Variants in CPED1 observed in about 807,000 individuals in gnomAD.
The protein encoded by CPED1 is cadherin like and PC-esterase domain containing 1, also known as cadherin-like and PC-esterase domain-containing protein 1.
In CPED1, 114 loss-of-function variants were observed where a neutral mutation model predicts 128.2. The ratio of observed to expected loss-of-function variants is 0.89; its 90% CI spans 0.76 to 1.04. The LOEUF is 1.04. Among genes scored for constraint, CPED1 ranks in the 50% least tolerant of loss-of-function variants. CPED1 has a pLI of 0.00. For synonymous variants in CPED1, 462 were observed against 426.7 expected, an observed-to-expected ratio of 1.08 and a Z score of -1.02; for missense variants, 1,211 against 1,207.1, an observed-to-expected ratio of 1.00 and a Z score of -0.05.
chr7:120,991,445 A>T (rs938329370), intron 2 of CPED1, among the ~76,000 whole-genome samples: 2 of 152,212 alleles, frequency 1.3e-5, no homozygotes, highest in Non-Finnish European at 2.9e-5. Context: ...TGTTAAAGTC[A>T]TTTCTTGTTA....
At chr7:121,292,939 G>C (rs953965522) in intron 22 of CPED1, among the ~76,000 whole-genome samples, 2 of 152,146 alleles carry the variant, frequency 1.3e-5, no homozygotes, top group Non-Finnish European at 2.9e-5. Context: ...GAGCTCTCCT[G>C]TATGAGGTGT....
At chr7:121,280,048 C>T (rs1792424223) in intron 22 of CPED1, among the ~76,000 whole-genome samples, 1 of 152,092 alleles carries the variant, frequency 6.6e-6, no homozygotes, top group Admixed American at 6.6e-5. Context: ...AAATGTTAGT[C>T]CCCACACAAA....
rs116833194 is a variant in CPED1, at chr7:121,046,195, G to A, written c.434-692G>A. ...TTTGGCAAGTTACTATGATTTATTG[G>A]CAAATAGCTTCGTCCTTGGTGAAAT... On this transcript the variant is annotated intron_variant, in intron 3 of 22. Transcript: ENST00000310396. Among the ~76,000 whole-genome samples the A allele has an allele frequency of 6.8e-3, 1,042 of 152,198 alleles. 13 individuals carry two copies. Among genetic ancestry groups the A allele is most frequent in the African/African-American group, 0.022 (926 of 41,540 alleles).
At chr7:121,067,439 G>T (rs941425449) in intron 5 of CPED1, among the ~76,000 whole-genome samples, 6 of 152,136 alleles carry the variant, frequency 3.9e-5, no homozygotes, top group Non-Finnish European at 7.4e-5. Context: ...CAAAGGACAT[G>T]AATTCATCAT....
In CPED1 at chr7:121,296,252, T is replaced by G. The variant is rs1175805399; in HGVS notation, c.*600T>G. On this transcript the variant is annotated 3_prime_UTR_variant, in exon 23 of 23. Coordinates refer to ENST00000310396, the MANE Select transcript of CPED1 (RefSeq NM_024913.5). ...CACAAGGGAATTTGAAGAGATTCTG[T>G]GAGAGAGATATGAAATATTTTATAG... 6.6e-6 allele frequency: 1 copy of G among 152,356 alleles called. No individual in the cohort carries two copies. Among genetic ancestry groups the G allele is most frequent in the Non-Finnish European group, 1.5e-5 (1 of 68,036 alleles). The allele number at this position is 152,356 out of a possible 1,614,324, so 9.4% of individuals were successfully genotyped here. A position where few individuals can be genotyped will look rare whatever the true frequency, so the allele number is the denominator to read the frequency against.
chr7:120,990,002 T>C, intron 2 of CPED1, 132 bp downstream of exon 2: 1 of 1,016,584 alleles, frequency 9.8e-7, no homozygotes, highest in Non-Finnish European at 1.4e-6. Context: ...GCCTAGAGAG[T>C]GACCTGATGA....
At chr7:121,057,054 T>G (rs917072376) in intron 4 of CPED1, among the ~76,000 whole-genome samples, 2 of 152,108 alleles carry the variant, frequency 1.3e-5, no homozygotes, top group Non-Finnish European at 2.9e-5. Flanking sequence ...CTCGGCTCAC[T>G]GAAATCTCCA....
intron 11 of CPED1, among the ~76,000 whole-genome samples, chr7:121,129,654 T>G (rs1795613650): frequency 6.6e-6 from 1 of 151,930 alleles, no homozygotes; most frequent in African/African-American, 2.4e-5. Flanking sequence ...GAGGAAGAAC[T>G]AAATAATTAT....
chr7:121,195,446 C>G (rs1335269905), intron 16 of CPED1, among the ~76,000 whole-genome samples: 1 of 152,082 alleles, frequency 6.6e-6, no homozygotes, highest in East Asian at 1.9e-4. Flanking sequence ...ATAACTCCAG[C>G]AAAAATTTAA....
rs115796485 is a variant in CPED1, at chr7:120,990,293, A to C, written c.249+423A>C. On this transcript the variant is annotated intron_variant, in intron 2 of 22. Coordinates refer to ENST00000310396, the MANE Select transcript of CPED1 (RefSeq NM_024913.5). Reference sequence around the variant, plus strand: ...GAGTGCCCAGACCATTCCAGACTCAAAGATTCTCCAAAGTTTCATTTTGTA... The same window carrying C: ...GAGTGCCCAGACCATTCCAGACTCACAGATTCTCCAAAGTTTCATTTTGTA... Among the ~76,000 whole-genome samples, 923 of 152,318 alleles carry C rather than the reference A, an allele frequency of 6.1e-3. 18 individuals are homozygous for C. The highest frequency in any genetic ancestry group is 0.021 in the African/African-American group (878 of 41,568).
chr7:121,149,481 A>T lies in CPED1; in HGVS notation c.2055+7340A>T, dbSNP rs557578315. 98 of 152,292 alleles carry T rather than the reference A, an allele frequency of 6.4e-4. 1 individual carries two copies. The highest frequency in any genetic ancestry group is 2.2e-3 in the African/African-American group (91 of 41,558). 9.4% of individuals were successfully genotyped at this position (152,292 alleles called of 1,614,324 possible). ...GATCAGATAGATTACCATTTACATAAAAACTTTTGCTCCACACATTTGTTT... is the reference window on the plus strand; with the variant it reads ...GATCAGATAGATTACCATTTACATATAAACTTTTGCTCCACACATTTGTTT... On this transcript the variant is annotated intron_variant, in intron 16 of 22. Transcript: ENST00000310396.
At chr7:121,270,694 G>A (rs1046304530) in intron 21 of CPED1, among the ~76,000 whole-genome samples, 5 of 152,066 alleles carry the variant, frequency 3.3e-5, no homozygotes, top group South Asian at 4.2e-4. Context: ...TTATAGGTGC[G>A]GCTTTTTTCT....
intron 3 of CPED1, among the ~76,000 whole-genome samples, chr7:121,042,644 T>C (rs1010228564): frequency 6.6e-6 from 1 of 152,180 alleles, no homozygotes; most frequent in Non-Finnish European, 1.5e-5. Flanking sequence ...CACCACTAAC[T>C]GGAACGGCGA....
chr7:121,224,300 T>A (rs954007546), intron 16 of CPED1, among the ~76,000 whole-genome samples: 1 of 152,218 alleles, frequency 6.6e-6, no homozygotes, highest in Non-Finnish European at 1.5e-5. Flanking sequence ...GAGTTCTAAC[T>A]TGATTGCACT....
chr7:121,111,635 T>G (rs1795110964), intron 7 of CPED1, among the ~76,000 whole-genome samples: 1 of 151,932 alleles, frequency 6.6e-6, no homozygotes, highest in Non-Finnish European at 1.5e-5. Context: ...GAAGCCAGAG[T>G]GAAGTTAGAG....
At chr7:121,105,664 G>A (rs757880438) in intron 7 of CPED1, among the ~76,000 whole-genome samples, 9 of 152,038 alleles carry the variant, frequency 5.9e-5, no homozygotes, top group Non-Finnish European at 1.3e-4. Context: ...TAAATAACCA[G>A]CATGTAATTG....
At chr7:121,047,656 T>C (rs78392234) in intron 4 of CPED1, among the ~76,000 whole-genome samples, 1,998 of 8,884 alleles carry the variant, frequency 0.22, 38 homozygotes, top group African/African-American at 0.28. Context: ...TTTCTTCTTC[T>C]TCTTCTTCTT....
chr7:121,226,222 T>C (rs1007080368), intron 16 of CPED1, among the ~76,000 whole-genome samples: 14 of 152,132 alleles, frequency 9.2e-5, no homozygotes, highest in African/African-American at 3.4e-4. Context: ...TTAGCTTTTC[T>C]TCTAACAATC....
At position 121,128,646 on chromosome 7, in the gene CPED1, G is replaced by T. The variant is rs115951740; in HGVS notation, c.1407+160G>T. ...CTTTCAGAGATCTAAGTAGCAAAAT[G>T]AGCAAGATTTATATGCATAACTTTA... On this transcript the variant is annotated intron_variant, in intron 11 of 22. Coordinates refer to ENST00000310396, the MANE Select transcript of CPED1 (RefSeq NM_024913.5). Among the ~76,000 whole-genome samples, 1,074 of 152,182 alleles carry T rather than the reference G, an allele frequency of 7.1e-3. 15 individuals are homozygous for T. The highest frequency in any genetic ancestry group is 0.025 in the African/African-American group (1,030 of 41,538).
Sources: allele counts gnomAD v4.1 joint callset (sites outside exome capture counted in the v4.1 genomes callset), GRCh38; gene constraint gnomAD v4.1.1; transcripts MANE v1.5; gene names NCBI Gene and HGNC (gene_info 2026-07-23, HGNC 2026-07-21).